The following PCDHA5 variants were observed in gnomAD, a reference collection of about 807,000 sequenced individuals.
PCDHA5 encodes protocadherin alpha 5.
PCDHA5 carries 43 observed loss-of-function variants against 61.6 expected under a neutral mutation model. That is an observed-to-expected ratio of 0.70 (90% confidence interval 0.55 to 0.90). The LOEUF is 0.90. Ranked by LOEUF, PCDHA5 falls within the 40% of genes least tolerant of loss-of-function variation. PCDHA5 has a pLI of 0.00. For synonymous variants in PCDHA5, 627 were observed against 543.9 expected (o/e 1.15, Z -2.13); for missense variants, 1,298 against 1,222.7 (o/e 1.06, Z -0.92).
At chr5:140,848,333 C>T in intron 1 of PCDHA5, 2 of 843,612 alleles carry the variant, frequency 2.4e-6, no homozygotes, top group Non-Finnish European at 1.9e-6. Flanking sequence ...TCTCTGAATC[C>T]AGACAAATAC....
At chr5:140,833,399 G>C (rs1554133822) in intron 1 of PCDHA5, among the ~76,000 whole-genome samples, 1 of 152,156 alleles carries the variant, frequency 6.6e-6, no homozygotes, top group Non-Finnish European at 1.5e-5. Context: ...CTCAAGACTT[G>C]ATCAAAGGGC....
At chr5:140,957,134 T>C (rs2095335911) in intron 1 of PCDHA5, among the ~76,000 whole-genome samples, 1 of 152,210 alleles carries the variant, frequency 6.6e-6, no homozygotes, top group Admixed American at 6.5e-5. Flanking sequence ...TACTACACTA[T>C]GAACTAAAAA....
intron 1 of PCDHA5, chr5:140,830,381 C>T: frequency 6.2e-7 from 1 of 1,614,138 alleles, no homozygotes; most frequent in Non-Finnish European, 8.5e-7. Context: ...CGGGGAGGGC[C>T]CACCCAAGAT....
At chr5:140,842,908 G>A (rs2150347706) in intron 1 of PCDHA5, 9 of 1,594,496 alleles carry the variant, frequency 5.6e-6, no homozygotes, top group African/African-American at 1.3e-5. Flanking sequence ...AGGAGCTAGA[G>A]CTGCTGCAGT....
At chr5:140,990,445 A>C (rs1212288513) in intron 3 of PCDHA5, among the ~76,000 whole-genome samples, 2 of 152,140 alleles carry the variant, frequency 1.3e-5, no homozygotes, top group Non-Finnish European at 2.9e-5. Context: ...TTGTGTCCAG[A>C]GCTGTTGCTG....
At position 141,011,529 on chromosome 5, in the gene PCDHA5, G is replaced by A. The variant is rs2098420955; in HGVS notation, c.*1592G>A. On this transcript the variant is annotated 3_prime_UTR_variant, in exon 4 of 4. Coordinates refer to ENST00000529859, the MANE Select transcript of PCDHA5 (RefSeq NM_018908.3). ...GTGGAGTAGTGTTTTTTTAACCATT[G>A]TTAATCAGCTTTTGTGTATGAAAGA... 1.3e-5 allele frequency: 2 copies of A among 153,538 alleles called. No homozygotes were observed. The highest frequency in any genetic ancestry group is 3.9e-4 in the East Asian group (2 of 5,188). The allele number at this position is 153,538 out of a possible 1,614,324, so 9.5% of individuals were successfully genotyped here.
At chr5:140,842,787 T>C (rs1554139371) in intron 1 of PCDHA5, 1 of 1,594,358 alleles carries the variant, frequency 6.3e-7, no homozygotes, top group Non-Finnish European at 8.6e-7. Context: ...GAGAACGCGC[T>C]GGTGTCCTAC....
intron 1 of PCDHA5, among the ~76,000 whole-genome samples, chr5:140,912,634 G>A (rs1435924500): frequency 6.6e-6 from 1 of 152,016 alleles, no homozygotes; most frequent in African/African-American, 2.4e-5. Context: ...GAGACTTTCA[G>A]TACTATGTTG....
intron 1 of PCDHA5, among the ~76,000 whole-genome samples, chr5:140,941,058 T>C (rs1554213707): frequency 6.6e-6 from 1 of 152,106 alleles, no homozygotes; most frequent in East Asian, 1.9e-4. Context: ...TCCCCAGCAG[T>C]TTTCTGGGCT....
chr5:140,883,302 A>T (rs1177736093), intron 1 of PCDHA5: 1 of 1,613,992 alleles, frequency 6.2e-7, no homozygotes, highest in African/African-American at 1.3e-5. Context: ...GATGTAAATG[A>T]TAACGCCCCA....
intron 1 of PCDHA5, chr5:140,829,261 G>A (rs1770190858): frequency 1.9e-6 from 3 of 1,614,114 alleles, no homozygotes; most frequent in South Asian, 1.1e-5. Flanking sequence ...GCTCGCTGAC[G>A]CCTCACGTCC....
At chr5:140,882,643 C>T in intron 1 of PCDHA5, 1 of 1,614,190 alleles carries the variant, frequency 6.2e-7, no homozygotes, top group Non-Finnish European at 8.5e-7. Context: ...AGGTGAGGGA[C>T]ATTAACGACA....
rs17844361 is a variant in PCDHA5, at chr5:140,927,747, C to T, written c.2353-51202C>T. ...AAGCAGAGCTGCGACACCGCTTTCA[C>T]GTGCACCCTAAAAGTGGGGAGGTGC... On this transcript the variant is annotated intron_variant, in intron 1 of 3. Coordinates refer to ENST00000529859, the MANE Select transcript of PCDHA5 (RefSeq NM_018908.3). 465 of 1,614,224 alleles carry T rather than the reference C, an allele frequency of 2.9e-4. No homozygotes were observed. In the East Asian group the frequency reaches 8.6e-3, roughly 30 times the overall value.
intron 1 of PCDHA5, among the ~76,000 whole-genome samples, chr5:140,947,353 A>G (rs1041468487): frequency 4.6e-5 from 7 of 151,616 alleles, no homozygotes; most frequent in African/African-American, 1.7e-4. Context: ...TCTGGACTCT[A>G]TTTCACTCCT....
chr5:140,858,857 T>C, intron 1 of PCDHA5: 1 of 267,758 alleles, frequency 3.7e-6, no homozygotes, highest in South Asian at 4.6e-5. Flanking sequence ...CTATATCTCT[T>C]CAGTGAAAAT....
At chr5:140,877,239 C>G (rs2056959197) in intron 1 of PCDHA5, 1 of 1,613,668 alleles carries the variant, frequency 6.2e-7, no homozygotes, top group Non-Finnish European at 8.5e-7. Context: ...GTGCGGGCCA[C>G]GTGGTGGCGA....
intron 1 of PCDHA5, among the ~76,000 whole-genome samples, chr5:140,896,577 G>A (rs1273423445): frequency 4.7e-5 from 7 of 149,554 alleles, no homozygotes; most frequent in African/African-American, 1.7e-4. Context: ...GGGTTTTGAC[G>A]TGTTGGCCAG....
chr5:140,822,343 T>G lies in PCDHA5; in HGVS notation c.568T>G (p.Phe190Val), dbSNP rs2150115683. 5 of 1,614,104 alleles carry G rather than the reference T, an allele frequency of 3.1e-6. No individual in the cohort carries two copies. The Admixed American group carries it at 8.3e-5, about 27-fold the overall frequency. Reference protein sequence around the residue: ...DVKTNEEETNFLELVLRKSLD... With the variant: ...DVKTNEEETNVLELVLRKSLD... ...TAAAACAAATGAAGAAGAAACGAACTTTTTAGAGCTGGTTTTGAGGAAATC... is the reference window on the plus strand; with the variant it reads ...TAAAACAAATGAAGAAGAAACGAACGTTTTAGAGCTGGTTTTGAGGAAATC... Residue 190 changes from phenylalanine to valine, a missense_variant, in exon 1 of 4, where the codon TTT becomes GTT. Transcript: ENST00000529859.
intron 1 of PCDHA5, chr5:140,824,334 G>A (rs1768090870): frequency 3.1e-6 from 2 of 641,538 alleles, no homozygotes; most frequent in South Asian, 4.4e-5. Context: ...GTGATATTAA[G>A]TGTTTTTAAA....
Sources: allele counts gnomAD v4.1 joint callset (sites outside exome capture counted in the v4.1 genomes callset), GRCh38; gene constraint gnomAD v4.1.1; transcripts MANE v1.5; gene names NCBI Gene and HGNC (gene_info 2026-07-23, HGNC 2026-07-21).